CA5B: variants seen among roughly 807,000 people sequenced by gnomAD.
CA5B encodes the protein carbonic anhydrase 5B, mitochondrial.
Under a neutral mutation model 23.1 loss-of-function variants are expected in CA5B, and 15 were observed. The observed-to-expected ratio is 0.65, with a 90% CI of 0.43 to 1.00. The LOEUF (loss-of-function observed/expected upper bound fraction) is 1.00. Ranked by LOEUF, CA5B falls within the 50% of genes least tolerant of loss-of-function variation. The pLI is 0.00. For synonymous variants in CA5B, 84 were observed against 98.5 expected (o/e 0.85, Z 0.87); for missense variants, 236 against 252.2 (o/e 0.94, Z 0.43).
chrX:15,780,981 C>CT (rs540005812), intron 7 of CA5B, among the ~76,000 whole-genome samples: 4,485 of 100,408 alleles, frequency 0.045, 280 homozygotes, highest in African/African-American at 0.15. Flanking sequence ...ATTTTGTTTT[C>CT]TTTTTTTTTT....
intron 3 of CA5B, chrX:15,769,395 G>C (rs925908427): frequency 4.2e-5 from 25 of 593,313 alleles, no homozygotes; most frequent in Middle Eastern, 9.9e-4. Context: ...GCATATAAGA[G>C]AGTCGAAATA....
intron 7 of CA5B, among the ~76,000 whole-genome samples, chrX:15,777,362 T>G (rs895621873): frequency 8.9e-6 from 1 of 111,934 alleles, no homozygotes; most frequent in Non-Finnish European, 1.9e-5. Context: ...TAGTATTTAC[T>G]ATGCAAACAC....
chrX:15,753,865 GT>G (rs953830400), intron 2 of CA5B, among the ~76,000 whole-genome samples: 3 of 112,210 alleles, frequency 2.7e-5, no homozygotes, highest in African/African-American at 9.8e-5. Flanking sequence ...AGCTGAGATC[GT>G]GCCATTGCAC....
In CA5B at chrX:15,778,894, G is replaced by A. The variant is rs148926946; in HGVS notation, c.774+2025G>A. On this transcript the variant is annotated intron_variant, in intron 7 of 7. Transcript: ENST00000318636. ...TGACACAGGGGGATTACAATTCGAC[G>A]TGAGATTTGGGTAGGGACACAGGGC... is the stretch of plus-strand genomic sequence containing the variant. Among the ~76,000 whole-genome samples, 277 of 110,832 alleles carry A rather than the reference G, an allele frequency of 2.5e-3. 1 individual carries two copies. Among genetic ancestry groups the A allele is most frequent in the African/African-American group, 8.8e-3 (267 of 30,498 alleles).
At chrX:15,773,239 T>G (rs1931853849) in intron 4 of CA5B, among the ~76,000 whole-genome samples, 1 of 110,589 alleles carries the variant, frequency 9.0e-6, no homozygotes, top group South Asian at 3.8e-4. Context: ...AAAATTTATT[T>G]TATATTTTTT....
chrX:15,741,875 C>T (rs1349045941), intron 1 of CA5B, among the ~76,000 whole-genome samples: 1 of 111,947 alleles, frequency 8.9e-6, no homozygotes, highest in Non-Finnish European at 1.9e-5. Flanking sequence ...TCCTTTTATT[C>T]TCCTTTAACT....
In CA5B at chrX:15,746,022, CTTTTTTTTTTTTT is replaced by C. The variant is rs11304971; in HGVS notation, c.-53-3936_-53-3924del. 5.8e-3 allele frequency among the ~76,000 whole-genome samples: 308 copies of C among 53,428 alleles called. 2 individuals carry two copies. Among genetic ancestry groups the C allele is most frequent in the African/African-American group, 0.02 (292 of 14,420 alleles). The allele number at this position is 53,428 out of a possible 115,157, so 46.4% of individuals were successfully genotyped here. On this transcript the variant is annotated intron_variant, in intron 1 of 7. Coordinates refer to ENST00000318636, the MANE Select transcript of CA5B (RefSeq NM_007220.4). ...TTGAAGCCACAGAAAGCGTCAACTTCTTTTTTTTTTTTTTTTTTTTTTTTTGAGACGGAGTCTC... is the reference window on the plus strand; with the variant it reads ...TTGAAGCCACAGAAAGCGTCAACTTCTTTTTTTTTTTTGAGACGGAGTCTC...
chrX:15,781,054 G>A (rs1932014550), intron 7 of CA5B, among the ~76,000 whole-genome samples: 1 of 109,052 alleles, frequency 9.2e-6, no homozygotes, highest in Admixed American at 9.8e-5. Flanking sequence ...GCCCAGGTGA[G>A]AGTCCAGTGG....
chrX:15,762,879 T>C, intron 2 of CA5B: 1 of 363,374 alleles, frequency 2.8e-6, no homozygotes, highest in Non-Finnish European at 5.6e-6. Flanking sequence ...CTCATCACAC[T>C]TGGGGGTCTC....
intron 3 of CA5B, 139 bp from the exon 4 acceptor site, chrX:15,772,357 T>C (rs929565735): frequency 1.3e-5 from 5 of 399,831 alleles, no homozygotes; most frequent in African/African-American, 1.0e-4. Flanking sequence ...AAAATCAAAT[T>C]TATAATCACT....
chrX:15,784,966 A>G lies in CA5B; in HGVS notation c.*2302A>G, dbSNP rs909332566. On this transcript the variant is annotated 3_prime_UTR_variant, in exon 8 of 8. Transcript: ENST00000318636. Reference sequence around the variant, plus strand: ...AATATGCTCAACATTGCCAATTATTAGGGAAATGCAAATCAAAACCACAAT... The same window carrying G: ...AATATGCTCAACATTGCCAATTATTGGGGAAATGCAAATCAAAACCACAAT... 3.6e-5 allele frequency: 4 copies of G among 112,384 alleles called. No homozygotes were observed. Among genetic ancestry groups the G allele is most frequent in the African/African-American group, 1.3e-4 (4 of 30,919 alleles). 9.3% of individuals were successfully genotyped at this position (112,384 alleles called of 1,213,427 possible). A position where few individuals can be genotyped will look rare whatever the true frequency, so the allele number is the denominator to read the frequency against.
At chrX:15,775,427 A>G (rs1040180392) in intron 6 of CA5B, 119 bp downstream of exon 6, 39 of 1,020,279 alleles carry the variant, frequency 3.8e-5, no homozygotes, top group Non-Finnish European at 4.7e-5. Context: ...ATTCAGCCTT[A>G]GAAGAAAACT....
chrX:15,767,904 T>TTG (rs1267417323), intron 3 of CA5B, among the ~76,000 whole-genome samples: 78 of 83,736 alleles, frequency 9.3e-4, no homozygotes, highest in African/African-American at 3.4e-3. Flanking sequence ...GGCCTTTTTT[T>TTG]TTTTTTTTTT....
At chrX:15,742,565 G>A (rs1931143764) in intron 1 of CA5B, among the ~76,000 whole-genome samples, 1 of 112,176 alleles carries the variant, frequency 8.9e-6, no homozygotes, top group Admixed American at 9.4e-5. Context: ...GTAGAGTCGT[G>A]GTTTCACCAT....
chrX:15,781,885 A>T (rs1003841154), intron 7 of CA5B, among the ~76,000 whole-genome samples: 1 of 107,359 alleles, frequency 9.3e-6, no homozygotes, highest in African/African-American at 3.4e-5. Flanking sequence ...CTGCATTCTA[A>T]CCTGGGTGGG....
chrX:15,775,888 C>T, intron 6 of CA5B: 1 of 751,394 alleles, frequency 1.3e-6, no homozygotes, highest in Non-Finnish European at 1.6e-6. Flanking sequence ...TTATCTCCCC[C>T]CATCCCCCAC....
chrX:15,786,970 A>T lies in CA5B; in HGVS notation c.*4306A>T, dbSNP rs1285165016. On this transcript the variant is annotated 3_prime_UTR_variant, in exon 8 of 8. Coordinates refer to ENST00000318636, the MANE Select transcript of CA5B (RefSeq NM_007220.4). Reference sequence around the variant, plus strand: ...AACACACTCACACCCAATACATTACATGAAGCAGATTTATTACTTACAGAC... The same window carrying T: ...AACACACTCACACCCAATACATTACTTGAAGCAGATTTATTACTTACAGAC... 9.0e-6 allele frequency: 1 copy of T among 111,534 alleles called. No individual in the cohort carries two copies. Among genetic ancestry groups the T allele is most frequent in the Non-Finnish European group, 1.9e-5 (1 of 53,060 alleles). 9.2% of individuals were successfully genotyped at this position (111,534 alleles called of 1,213,427 possible). A position where few individuals can be genotyped will look rare whatever the true frequency, so the allele number is the denominator to read the frequency against.
intron 3 of CA5B, chrX:15,765,230 G>T (rs1931682259): frequency 5.6e-6 from 1 of 177,629 alleles, no homozygotes; most frequent in East Asian, 2.5e-4. Context: ...TGTGCATTAG[G>T]TTGCAAAGAC....
rs1413347997 is a variant in CA5B, at chrX:15,784,403, A to G, written c.*1739A>G. The G allele has an allele frequency of 8.9e-6, 1 of 112,202 alleles. No homozygotes were observed. Among genetic ancestry groups the G allele is most frequent in the African/African-American group, 3.2e-5 (1 of 30,897 alleles). The allele number at this position is 112,202 out of a possible 1,213,427, so 9.2% of individuals were successfully genotyped here. A position where few individuals can be genotyped will look rare whatever the true frequency, so the allele number is the denominator to read the frequency against. ...GATTAACTTAAATATCTCAGTTTAT[A>G]CAGTGGTTTAAAAGACTTTTGTTAT... On this transcript the variant is annotated 3_prime_UTR_variant, in exon 8 of 8. Coordinates refer to ENST00000318636, the MANE Select transcript of CA5B (RefSeq NM_007220.4).
Sources: allele counts gnomAD v4.1 joint callset (sites outside exome capture counted in the v4.1 genomes callset), GRCh38; gene constraint gnomAD v4.1.1; transcripts MANE v1.5; gene names NCBI Gene and HGNC (gene_info 2026-07-23, HGNC 2026-07-21).